Variants in MYH14 observed in about 807,000 individuals in gnomAD.
MYH14 encodes the protein myosin-14.
Under a neutral mutation model 255.5 loss-of-function variants are expected in MYH14, and 123 were observed. The observed-to-expected ratio is 0.48, with a 90% confidence interval of 0.42 to 0.56. The LOEUF (loss-of-function observed/expected upper bound fraction) is 0.56. Among genes scored for constraint, MYH14 ranks in the 20% least tolerant of loss-of-function variants. The pLI is 0.00. For synonymous variants in MYH14, 1,095 were observed against 1,161.2 expected (o/e 0.94, Z 1.16); for missense variants, 2,423 against 2,802.3 (o/e 0.86, Z 3.06).
Position 50,255,320 on chromosome 19 carries a change from T to G in MYH14, c.2044+2T>G. On this transcript the variant is annotated splice_donor_variant, in intron 17 of 42. Transcript: ENST00000642316. LOFTEE classifies it high-confidence loss of function. ...GCTCTGCTATTTCTCCGCCAGGGGG[T>G]GGGTGTCTCTGTGCATCGATGGGTG... is the stretch of plus-strand genomic sequence containing the variant. 1 of 1,549,382 alleles carries G rather than the reference T, an allele frequency of 6.5e-7. No individual in the cohort carries two copies. Among genetic ancestry groups the G allele is most frequent in the South Asian group, 1.2e-5 (1 of 84,002 alleles).
chr19:50,255,091 TTGAC>T (rs1472673634), intron 16 of MYH14, 125 bp from the exon 17 acceptor site: 1 of 680,950 alleles, frequency 1.5e-6, no homozygotes, highest in African/African-American at 1.8e-5. Flanking sequence ...CTCTGTACTG[TTGAC>T]TAATAACCCT....
intron 1 of MYH14, among the ~76,000 whole-genome samples, chr19:50,208,524 G>T (rs981064533): frequency 6.6e-6 from 1 of 151,790 alleles, no homozygotes; most frequent in Admixed American, 6.6e-5. Flanking sequence ...AAGAGAGAGA[G>T]AATTTTTAAA....
intron 10 of MYH14, among the ~76,000 whole-genome samples, chr19:50,233,699 G>A (rs588973): frequency 0.63 from 95,906 of 151,586 alleles, 30,374 homozygotes; most frequent in East Asian, 0.72. Flanking sequence ...GTGGTTTTCT[G>A]GCAATCTTCG....
intron 21 of MYH14, among the ~76,000 whole-genome samples, chr19:50,262,015 A>G (rs940494001): frequency 6.6e-6 from 1 of 152,118 alleles, no homozygotes; most frequent in Non-Finnish European, 1.5e-5. Context: ...TCTGGAGGTG[A>G]GACTTCCATG....
chr19:50,263,250 T>C, intron 21 of MYH14, 62 bp from the exon 22 acceptor site: 1 of 1,066,544 alleles, frequency 9.4e-7, no homozygotes. Context: ...AGCTTGGCTC[T>C]CTTGCTAAGG....
intron 26 of MYH14, 109 bp from the exon 27 acceptor site, chr19:50,272,451 G>C: frequency 8.8e-7 from 1 of 1,141,452 alleles, no homozygotes; most frequent in Non-Finnish European, 1.3e-6. Flanking sequence ...GGCGTTAAGG[G>C]AGGTGCTGAG....
At chr19:50,269,017 A>G (rs2035198732) in intron 24 of MYH14, among the ~76,000 whole-genome samples, 1 of 152,232 alleles carries the variant, frequency 6.6e-6, no homozygotes, top group Non-Finnish European at 1.5e-5. Flanking sequence ...TGCAGTTTAT[A>G]AAAACTAGAT....
intron 22 of MYH14, among the ~76,000 whole-genome samples, chr19:50,265,803 A>G (rs1568516833): frequency 6.6e-6 from 1 of 152,186 alleles, no homozygotes. Flanking sequence ...CCTGGGTGAC[A>G]GAGTGAGACT....
intron 3 of MYH14, among the ~76,000 whole-genome samples, chr19:50,222,066 G>A (rs1056035070): frequency 2.0e-5 from 3 of 152,074 alleles, no homozygotes; most frequent in Admixed American, 6.6e-5. Flanking sequence ...GTAGCACCCC[G>A]GCCTCTACCC....
At chr19:50,224,911 G>A (rs2033019140) in intron 6 of MYH14, 2 of 452,478 alleles carry the variant, frequency 4.4e-6, no homozygotes, top group African/African-American at 4.0e-5. Flanking sequence ...TCAAGACCAG[G>A]CTAGGCAAAA....
chr19:50,264,069 A>AAAAAAAAAAAAAAAAAAC (rs2034991388), intron 22 of MYH14, among the ~76,000 whole-genome samples: 1 of 99,646 alleles, frequency 1.0e-5, no homozygotes, highest in African/African-American at 3.7e-5. Flanking sequence ...AAAAAAAAAA[A>AAAAAAAAAAAAAAAAAAC]AAAAAAAGAG....
At position 50,261,521 on chromosome 19, in the gene MYH14, G is replaced by C. The variant is rs765548528; in HGVS notation, c.2471G>C (p.Ser824Thr). Residue 824 changes from serine (S) to threonine (T), a missense_variant, in exon 21 of 43, where the codon AGC (serine) becomes ACC (threonine). Ser to Thr is a moderately conservative substitution (Grantham distance 58, BLOSUM62 1). Transcript: ENST00000642316. ...CCCAACCTCTACCGCGTGGGACAGA[G>C]CAAGATCTTCTTCCGGGCTGGGGTC... ...LDPNLYRVGQ[S>T]KIFFRAGVLA... 37 of 1,586,572 alleles carry C rather than the reference G, an allele frequency of 2.3e-5. No individual in the cohort carries two copies. Among genetic ancestry groups the C allele is most frequent in the Non-Finnish European group, 1.7e-5 (20 of 1,170,876 alleles).
chr19:50,271,836 C>T lies in MYH14; in HGVS notation c.3172-13C>T, dbSNP rs778725422. 6.2e-7 allele frequency: 1 copy of T among 1,612,840 alleles called. No individual in the cohort carries two copies. The highest frequency in any genetic ancestry group is 8.5e-7 in the Non-Finnish European group (1 of 1,179,780). ...CTCCTCCTGACTGCCCCCCATCCCA[C>T]TCCACCCCTCAGGAGCGGAAGCTGC... On this transcript the variant is annotated splice_polypyrimidine_tract_variant and intron_variant, in intron 25 of 42. Coordinates refer to ENST00000642316, the MANE Select transcript of MYH14 (RefSeq NM_001145809.2).
Position 50,210,557 on chromosome 19 carries a change from G to T in MYH14, c.192G>T (p.Gly64=), listed in dbSNP as rs181055215. The T allele has an allele frequency of 4.1e-3, 6,501 of 1,582,576 alleles. 15 individuals are homozygous for T. Among genetic ancestry groups the T allele is most frequent in the Non-Finnish European group, 5.2e-3 (6,042 of 1,165,496 alleles). ...TGTGGGTGCCTTCGGAGCTTCACGGGTTCGAGGCGGCGGCGCTGCGGGACG... is the reference window on the plus strand; with the variant it reads ...TGTGGGTGCCTTCGGAGCTTCACGGTTTCGAGGCGGCGGCGCTGCGGGACG... The part of the protein sequence containing the change: ...RLVWVPSELH[G]FEAAALRDEG... Residue 64 remains glycine, a synonymous_variant, in exon 2 of 43, where the codon GGG becomes GGT. Coordinates refer to ENST00000642316, the MANE Select transcript of MYH14 (RefSeq NM_001145809.2).
chr19:50,225,839 C>T (rs535395931), intron 7 of MYH14, among the ~76,000 whole-genome samples, 162 bp downstream of exon 7: 18 of 88,072 alleles, frequency 2.0e-4, no homozygotes, highest in African/African-American at 7.7e-4. Context: ...GCCTGGACCC[C>T]TGGGTCTGAG....
rs757451449 is a variant in MYH14 at position 50,261,520 on chromosome 19, A to G, written c.2470A>G (p.Ser824Gly). Reference protein sequence around the residue: ...LDPNLYRVGQSKIFFRAGVLA... With the variant: ...LDPNLYRVGQGKIFFRAGVLA... ...CCCCAACCTCTACCGCGTGGGACAG[A>G]GCAAGATCTTCTTCCGGGCTGGGGT... is the stretch of plus-strand genomic sequence containing the variant. Residue 824 changes from serine to glycine, a missense_variant, in exon 21 of 43, where the codon AGC (serine) becomes GGC (glycine). By Grantham distance (56) the Ser-to-Gly change is moderately conservative. Transcript: ENST00000642316. 6.3e-7 allele frequency: 1 copy of G among 1,584,556 alleles called. No homozygotes were observed. The highest frequency in any genetic ancestry group is 1.8e-5 in the Admixed American group (1 of 57,004).
intron 16 of MYH14, among the ~76,000 whole-genome samples, chr19:50,253,420 G>A (rs1306283060): frequency 1.3e-5 from 2 of 150,428 alleles, no homozygotes; most frequent in Non-Finnish European, 1.5e-5. Flanking sequence ...TCCAGCCTGG[G>A]TGACAGTGTG....
At chr19:50,251,326 T>C (rs2034361272) in intron 15 of MYH14, among the ~76,000 whole-genome samples, 1 of 151,962 alleles carries the variant, frequency 6.6e-6, no homozygotes, top group Non-Finnish European at 1.5e-5. Context: ...CCACAGATAA[T>C]ACATAAGTAT....
chr19:50,296,299 T>C (rs977648350), intron 39 of MYH14, among the ~76,000 whole-genome samples: 9 of 151,920 alleles, frequency 5.9e-5, no homozygotes, highest in African/African-American at 1.7e-4. Context: ...CTGGAAATGC[T>C]GTTTCCCTCT....
Sources: gnomAD v4.1 joint callset for allele counts (sites outside exome capture counted in the v4.1 genomes callset) on GRCh38, gnomAD v4.1.1 for gene constraint, MANE v1.5 for transcripts, NCBI Gene and HGNC (gene_info 2026-07-23, HGNC 2026-07-21) for gene names.